The following RICTOR variants were observed in gnomAD, a reference collection of about 807,000 sequenced individuals.
RICTOR encodes RPTOR independent companion of MTOR complex 2, also known as rapamycin-insensitive companion of mTOR.
RICTOR carries 49 observed loss-of-function variants against 214.9 expected under a neutral mutation model. The ratio of observed to expected loss-of-function variants is 0.23; its 90% CI spans 0.18 to 0.29. RICTOR has a LOEUF of 0.29. RICTOR is among the 10% of genes least tolerant of loss of function. The pLI, the probability that RICTOR is intolerant of heterozygous loss-of-function variation, is 1.00. For missense variants in RICTOR, 1,625 were observed against 2,047.0 expected, an observed-to-expected ratio of 0.79 and a Z score of 3.98; for synonymous variants, 717 against 711.3, an observed-to-expected ratio of 1.01 and a Z score of -0.13.
At chr5:38,990,744 TGA>T (rs1491151316) in intron 7 of RICTOR, among the ~76,000 whole-genome samples, 2 of 93,588 alleles carry the variant, frequency 2.1e-5, no homozygotes, top group African/African-American at 4.1e-5. Flanking sequence ...ATGATATATA[TGA>T]GATATATGAT....
intron 3 of RICTOR, among the ~76,000 whole-genome samples, chr5:39,020,631 G>A (rs1208136398): frequency 1.3e-5 from 2 of 152,096 alleles, no homozygotes; most frequent in Non-Finnish European, 2.9e-5. Context: ...CAAAAAACTC[G>A]TGACTTGCTT....
chr5:39,065,550 A>G (rs1010902377), intron 2 of RICTOR, among the ~76,000 whole-genome samples: 2 of 152,102 alleles, frequency 1.3e-5, no homozygotes, highest in Non-Finnish European at 2.9e-5. Context: ...TCCAGCATTA[A>G]CTCTGAAGTC....
At chr5:38,981,005 T>TA (rs1473687703) in intron 8 of RICTOR, 2 of 152,180 alleles carry the variant, frequency 1.3e-5, no homozygotes, top group African/African-American at 4.8e-5. Context: ...AGGATTCCAA[T>TA]AAATAATATA....
intron 14 of RICTOR, 52 bp from the exon 15 acceptor site, chr5:38,966,773 C>T (rs1750264522): frequency 4.4e-6 from 4 of 917,334 alleles, no homozygotes; most frequent in Admixed American, 2.4e-5. Flanking sequence ...CATATGAAAA[C>T]ATTTATGCAT....
intron 11 of RICTOR, among the ~76,000 whole-genome samples, chr5:38,968,372 A>G (rs774236177): frequency 2.6e-5 from 4 of 152,152 alleles, no homozygotes; most frequent in Admixed American, 1.3e-4. Context: ...GTAAAATTAC[A>G]TAATACCTGA....
At chr5:39,054,009 G>C (rs934128231) in intron 2 of RICTOR, among the ~76,000 whole-genome samples, 2 of 152,162 alleles carry the variant, frequency 1.3e-5, no homozygotes, top group Admixed American at 6.5e-5. Context: ...TTGAACCCGG[G>C]AGGCGGAGGT....
chr5:38,981,791 A>G (rs2150061286), intron 8 of RICTOR, 76 bp downstream of exon 8: 1 of 1,012,266 alleles, frequency 9.9e-7, no homozygotes, highest in Non-Finnish European at 1.5e-6. Context: ...TGCATCTATA[A>G]AATTTAGTAT....
intron 6 of RICTOR, among the ~76,000 whole-genome samples, chr5:38,991,541 AATT>A (rs1752776905): frequency 1.3e-5 from 2 of 151,798 alleles, no homozygotes; most frequent in Non-Finnish European, 2.9e-5. Flanking sequence ...TCATGAAATT[AATT>A]GATTAACTTG....
intron 6 of RICTOR, among the ~76,000 whole-genome samples, chr5:38,995,734 G>T (rs969925886): frequency 2.0e-5 from 3 of 151,618 alleles, no homozygotes; most frequent in African/African-American, 7.3e-5. Context: ...AACAAATTTT[G>T]TTTTATCTTG....
chr5:39,025,423 G>A (rs964432491), intron 2 of RICTOR, among the ~76,000 whole-genome samples: 1 of 152,314 alleles, frequency 6.6e-6, no homozygotes, highest in South Asian at 2.1e-4. Context: ...TTTTGACTTT[G>A]CAGGCCATAA....
chr5:38,956,343 A>G (rs1299879958), intron 25 of RICTOR, among the ~76,000 whole-genome samples: 18 of 152,042 alleles, frequency 1.2e-4, no homozygotes, highest in Non-Finnish European at 2.6e-4. Context: ...TATATATACA[A>G]TTGAAATCCC....
rs1747310235 is a variant in RICTOR at position 38,939,549 on chromosome 5, C to T, written c.*2755G>A. On this transcript the variant is annotated 3_prime_UTR_variant, in exon 38 of 38. Coordinates refer to ENST00000357387, the MANE Select transcript of RICTOR (RefSeq NM_152756.5). ...TTATGAATACTAAATTTCTAATTTC[C>T]TTATTTATCAGTATTTACTTAGTAT... 8.7e-6 allele frequency: 2 copies of T among 229,916 alleles called. No homozygotes were observed. The highest frequency in any genetic ancestry group is 4.4e-5 in the African/African-American group (2 of 45,100). The allele number at this position is 229,916 out of a possible 1,614,324, so 14.2% of individuals were successfully genotyped here. A position where few individuals can be genotyped will look rare whatever the true frequency, so the allele number is the denominator to read the frequency against.
chr5:39,050,405 C>T (rs1330584337), intron 2 of RICTOR, among the ~76,000 whole-genome samples: 1 of 151,932 alleles, frequency 6.6e-6, no homozygotes, highest in Admixed American at 6.6e-5. Context: ...GGCACAATCT[C>T]GGCTCACTGT....
At chr5:39,014,661 G>A (rs1754804238) in intron 3 of RICTOR, among the ~76,000 whole-genome samples, 1 of 152,058 alleles carries the variant, frequency 6.6e-6, no homozygotes. Flanking sequence ...TGAGCATGTT[G>A]TCAGTTATAA....
chr5:39,050,305 A>T (rs535901933), intron 2 of RICTOR, among the ~76,000 whole-genome samples: 1 of 152,094 alleles, frequency 6.6e-6, no homozygotes, highest in East Asian at 1.9e-4. Context: ...ATATTAGATA[A>T]TACAAAGAAC....
chr5:39,009,176 G>A (rs1419206753), intron 3 of RICTOR, among the ~76,000 whole-genome samples: 2 of 152,064 alleles, frequency 1.3e-5, no homozygotes, highest in African/African-American at 2.4e-5. Flanking sequence ...GTGTGTACTT[G>A]ACTCTCATTT....
intron 2 of RICTOR, among the ~76,000 whole-genome samples, chr5:39,065,570 A>C (rs988599026): frequency 1.3e-5 from 2 of 152,230 alleles, no homozygotes; most frequent in South Asian, 4.1e-4. Context: ...CCAAAGTCTC[A>C]TCTGAAACAA....
chr5:38,938,223 T>TAGC lies in RICTOR; in HGVS notation c.*4078_*4080dup. On this transcript the variant is annotated 3_prime_UTR_variant, in exon 38 of 38. Transcript: ENST00000357387. ...ACAAACACCAGAACCTCCAAATATGTAGCAGCGTATTACTAAATAAAAAAG... is the reference window on the plus strand; with the variant it reads ...ACAAACACCAGAACCTCCAAATATGTAGCAGCAGCGTATTACTAAATAAAAAAG... The TAGC allele has an allele frequency of 4.5e-6, 1 of 224,684 alleles. No individual in the cohort carries two copies. Among genetic ancestry groups the TAGC allele is most frequent in the East Asian group, 6.5e-5 (1 of 15,330 alleles). 13.9% of individuals were successfully genotyped at this position (224,684 alleles called of 1,614,324 possible). A position where few individuals can be genotyped will look rare whatever the true frequency, so the allele number is the denominator to read the frequency against.
At chr5:38,973,243 T>C (rs1328315103) in intron 10 of RICTOR, among the ~76,000 whole-genome samples, 1 of 152,180 alleles carries the variant, frequency 6.6e-6, no homozygotes, top group African/African-American at 2.4e-5. Context: ...GATGTGTGCA[T>C]TTCACTGTAT....
Sources: gnomAD v4.1 joint callset for allele counts (sites outside exome capture counted in the v4.1 genomes callset) on GRCh38, gnomAD v4.1.1 for gene constraint, MANE v1.5 for transcripts, NCBI Gene and HGNC (gene_info 2026-07-23, HGNC 2026-07-21) for gene names.